The following SLC39A12 variants were observed in gnomAD, a reference collection of about 807,000 sequenced individuals.
SLC39A12 encodes the protein solute carrier family 39 member 12, also known as zinc transporter ZIP12.
In SLC39A12, 63 loss-of-function variants were observed where a neutral mutation model predicts 71.1. That is an observed-to-expected ratio of 0.89 (90% CI 0.72 to 1.09). The LOEUF (loss-of-function observed/expected upper bound fraction) is 1.09. Ranked by LOEUF, SLC39A12 falls within the 50% of genes least tolerant of loss-of-function variation. The pLI is 0.00. For synonymous variants in SLC39A12, 351 were observed against 301.3 expected, an observed-to-expected ratio of 1.16 and a Z score of -1.71; for missense variants, 892 against 812.6, an observed-to-expected ratio of 1.10 and a Z score of -1.19.
intron 12 of SLC39A12, chr10:18,004,364 AT>A (rs1449392785): frequency 1.3e-5 from 2 of 152,236 alleles, no homozygotes; most frequent in Non-Finnish European, 2.9e-5. Flanking sequence ...TGTGGAACAG[AT>A]TCATTGAGAT....
intron 8 of SLC39A12, 47 bp downstream of exon 8, chr10:17,991,350 A>C: frequency 6.9e-7 from 1 of 1,443,530 alleles, no homozygotes; most frequent in African/African-American, 1.5e-5. Flanking sequence ...GTCTTATAAT[A>C]CATTCATCTG....
At chr10:18,001,754 A>T (rs1020528643) in intron 11 of SLC39A12, 1 of 152,146 alleles carries the variant, frequency 6.6e-6, no homozygotes, top group African/African-American at 2.4e-5. Flanking sequence ...CAGGTATGTA[A>T]TGCGTAAGAA....
In SLC39A12 at chr10:17,995,676, G is replaced by T. The variant is rs747026938; in HGVS notation, c.1554G>T (p.Gln518His). The part of the protein sequence containing the change: ...TIQLKSPEDS[Q>H]AAEMPIGSMT... ...AATAGAAAAGCCCAGAAGATTCACA[G>T]GCAGCTGAAATGCCTATAGGCAGTA... The change falls in exon 10 of 13, where the codon CAG becomes CAT. Residue 518 changes from glutamine to histidine, a missense_variant. Physicochemically the swap from Gln to His is conservative, Grantham distance 24 (BLOSUM62 0). Transcript: ENST00000377369. 6.2e-7 allele frequency: 1 copy of T among 1,613,388 alleles called. No homozygotes were observed. Among genetic ancestry groups the T allele is most frequent in the Admixed American group, 1.7e-5 (1 of 59,918 alleles).
rs137945121 is a variant in SLC39A12 at position 17,997,115 on chromosome 10, A to G, written c.1600+1393A>G. Among the ~76,000 whole-genome samples, 1,073 of 152,304 alleles carry G rather than the reference A, an allele frequency of 7.0e-3. 13 individuals carry two copies. Among genetic ancestry groups the G allele is most frequent in the African/African-American group, 0.023 (958 of 41,568 alleles). On this transcript the variant is annotated intron_variant, in intron 10 of 12. Transcript: ENST00000377369. The stretch of plus-strand genomic sequence containing the variant: ...TGACCATTCATTCATTCATGCATCA[A>G]TGCATTCTTTCACATTGTTTTATTC...
intron 12 of SLC39A12, among the ~76,000 whole-genome samples, chr10:18,038,238 A>T (rs1446822930): frequency 6.6e-6 from 1 of 152,072 alleles, no homozygotes; most frequent in Non-Finnish European, 1.5e-5. Context: ...AAGAATTCTT[A>T]ATTTTCTCAC....
In SLC39A12 at chr10:17,977,889, A is replaced by T. The variant is rs778648145; in HGVS notation, c.752-13A>T. The T allele has an allele frequency of 6.4e-7, 1 of 1,559,660 alleles. No individual in the cohort carries two copies. Among genetic ancestry groups the T allele is most frequent in the African/African-American group, 1.4e-5 (1 of 72,726 alleles). On this transcript the variant is annotated splice_polypyrimidine_tract_variant and intron_variant, in intron 4 of 12. Transcript: ENST00000377369. Reference sequence around the variant, plus strand: ...TATTCTATGTGACACCAGATTTTATATGAAATTTCTAGAACTAGACCAACT... The same window carrying T: ...TATTCTATGTGACACCAGATTTTATTTGAAATTTCTAGAACTAGACCAACT...
At chr10:18,005,944 G>T (rs1430352903) in intron 12 of SLC39A12, 1 of 152,050 alleles carries the variant, frequency 6.6e-6, no homozygotes, top group African/African-American at 2.4e-5. Flanking sequence ...CTAAACAAAC[G>T]CAGCTCTTTC....
rs765462280 is a variant in SLC39A12, at chr10:18,041,526, GTA to G, written c.1948-1170_1948-1169del. 1.0e-2 allele frequency among the ~76,000 whole-genome samples: 720 copies of G among 72,358 alleles called. 44 individuals carry two copies. The highest frequency in any genetic ancestry group is 0.039 in the African/African-American group (563 of 14,476). The allele number at this position is 72,358 out of a possible 152,430, so 47.5% of individuals were successfully genotyped here. A position where few individuals can be genotyped will look rare whatever the true frequency, so the allele number is the denominator to read the frequency against. ...AAAAAAACTTTATATATATATATAT[GTA>G]TATATATACACACACACACACACAC... On this transcript the variant is annotated intron_variant, in intron 12 of 12. Coordinates refer to ENST00000377369, the MANE Select transcript of SLC39A12 (RefSeq NM_001145195.2).
At chr10:17,992,146 T>C (rs1835570501) in intron 8 of SLC39A12, among the ~76,000 whole-genome samples, 1 of 151,836 alleles carries the variant, frequency 6.6e-6, no homozygotes, top group South Asian at 2.1e-4. Context: ...CTTATTGTTT[T>C]TCATTCCTAA....
chr10:17,998,918 AT>A (rs1835756329), intron 10 of SLC39A12, among the ~76,000 whole-genome samples: 1 of 152,188 alleles, frequency 6.6e-6, no homozygotes, highest in African/African-American at 2.4e-5. Flanking sequence ...TCCTCTTTCT[AT>A]TTTTATTGAG....
At chr10:17,953,587 C>A in intron 2 of SLC39A12, 50 bp downstream of exon 2, 1 of 1,587,440 alleles carries the variant, frequency 6.3e-7, no homozygotes, top group Non-Finnish European at 8.6e-7. Flanking sequence ...CAAAAGAAAG[C>A]AATGGATTCT....
intron 4 of SLC39A12, 71 bp from the exon 5 acceptor site, chr10:17,977,831 G>C (rs1480497269): frequency 2.7e-6 from 3 of 1,116,602 alleles, no homozygotes; most frequent in Non-Finnish European, 3.7e-6. Flanking sequence ...CTATGCTGTA[G>C]CTATGTGAAA....
intron 12 of SLC39A12, among the ~76,000 whole-genome samples, chr10:18,012,305 A>T (rs1379821544): frequency 6.6e-6 from 1 of 152,232 alleles, no homozygotes; most frequent in Non-Finnish European, 1.5e-5. Context: ...CCCTCAGAAG[A>T]TTGTTAAAAG....
chr10:17,987,616 C>T lies in SLC39A12; in HGVS notation c.1234C>T (p.Leu412=), dbSNP rs759777398. Residue 412 remains leucine (L), a synonymous_variant, in exon 7 of 13, where the codon CTG becomes TTG. Coordinates refer to ENST00000377369, the MANE Select transcript of SLC39A12 (RefSeq NM_001145195.2). The part of the protein sequence containing the change: ...QLFVGLAVGT[L]SGDALLHLIP... ...GTTTGTGGGCTTGGCCGTCGGGACA[C>T]TGTCTGGGGACGCTCTGCTCCACCT... 3.1e-6 allele frequency: 5 copies of T among 1,614,202 alleles called. No homozygotes were observed. Among genetic ancestry groups the T allele is most frequent in the African/African-American group, 1.3e-5 (1 of 75,056 alleles).
At chr10:17,999,911 T>C (rs1220119096) in intron 10 of SLC39A12, among the ~76,000 whole-genome samples, 2 of 152,162 alleles carry the variant, frequency 1.3e-5, no homozygotes, top group South Asian at 2.1e-4. Flanking sequence ...CTGCCCTAGA[T>C]TGACACAGAA....
intron 6 of SLC39A12, among the ~76,000 whole-genome samples, chr10:17,982,589 C>G (rs1319085243): frequency 6.6e-6 from 1 of 152,132 alleles, no homozygotes; most frequent in Non-Finnish European, 1.5e-5. Flanking sequence ...GCCTAAATAT[C>G]TAAGATTCTA....
chr10:18,005,646 A>G (rs1245696767), intron 12 of SLC39A12: 3 of 152,216 alleles, frequency 2.0e-5, no homozygotes, highest in Non-Finnish European at 4.4e-5. Flanking sequence ...GGGGAAGGTT[A>G]TCAAGAGCCA....
chr10:18,016,132 T>C (rs892464722), intron 12 of SLC39A12, among the ~76,000 whole-genome samples: 2 of 152,220 alleles, frequency 1.3e-5, no homozygotes, highest in Non-Finnish European at 2.9e-5. Context: ...TGACACATAC[T>C]CACCATTGTA....
chr10:18,037,778 C>T lies in SLC39A12; in HGVS notation c.1948-4927C>T, dbSNP rs1179948280. Among the ~76,000 whole-genome samples, 5 of 152,040 alleles carry T rather than the reference C, an allele frequency of 3.3e-5. No homozygotes were observed. The East Asian group carries it at 9.7e-4, about 29-fold the overall frequency. On this transcript the variant is annotated intron_variant, in intron 12 of 12. Coordinates refer to ENST00000377369, the MANE Select transcript of SLC39A12 (RefSeq NM_001145195.2). The stretch of plus-strand genomic sequence containing the variant: ...GGGGCTCACACCTGTAATCCCAGCA[C>T]TTTGGGAGGCCAAGGTGGGCGGATC...
Sources: gnomAD v4.1 joint callset for allele counts (sites outside exome capture counted in the v4.1 genomes callset) on GRCh38, gnomAD v4.1.1 for gene constraint, MANE v1.5 for transcripts, NCBI Gene and HGNC (gene_info 2026-07-23, HGNC 2026-07-21) for gene names.